Variants in RBFOX1 observed in about 807,000 individuals in gnomAD.
RBFOX1 encodes RNA binding fox-1 homolog 1.
A neutral mutation model predicts 57.7 loss-of-function variants in RBFOX1; 8 were observed. The observed-to-expected ratio is 0.14, with a 90% CI of 0.08 to 0.25. The LOEUF is 0.25. Among genes scored for constraint, RBFOX1 ranks in the 10% least tolerant of loss-of-function variants. The pLI is 1.00. For missense variants in RBFOX1, 611 were observed against 548.5 expected, an observed-to-expected ratio of 1.11 and a Z score of -1.14; for synonymous variants, 326 against 222.4, an observed-to-expected ratio of 1.47 and a Z score of -4.15.
At chr16:6,725,578 T>C (rs1288492718) in intron 3 of RBFOX1, among the ~76,000 whole-genome samples, 2 of 152,174 alleles carry the variant, frequency 1.3e-5, no homozygotes, top group African/African-American at 4.8e-5. Flanking sequence ...AATCAAGAGA[T>C]AATCATAAAA....
chr16:5,941,883 C>T (rs1011934192), intron 4 of RBFOX1, among the ~76,000 whole-genome samples: 2 of 151,948 alleles, frequency 1.3e-5, no homozygotes, highest in Non-Finnish European at 1.5e-5. Context: ...CGGCCTGAGT[C>T]TGCTTCAGAA....
chr16:5,921,377 A>G (rs954980764), intron 4 of RBFOX1, among the ~76,000 whole-genome samples: 1 of 152,174 alleles, frequency 6.6e-6, no homozygotes, highest in African/African-American at 2.4e-5. Flanking sequence ...TTAAGATGCA[A>G]GGTGGAATCT....
chr16:7,341,778 C>CCTTCCTTT (rs1568306596), intron 4 of RBFOX1, among the ~76,000 whole-genome samples: 1 of 58,394 alleles, frequency 1.7e-5, no homozygotes, highest in African/African-American at 9.4e-5. Context: ...CTCCCTCCCT[C>CCTTCCTTT]CTTCCTTCCT....
intron 5 of RBFOX1, among the ~76,000 whole-genome samples, chr16:7,552,921 G>T (rs1161472536): frequency 6.6e-6 from 1 of 152,046 alleles, no homozygotes; most frequent in Non-Finnish European, 1.5e-5. Context: ...GACCTCAGGT[G>T]ATCTGCCCGC....
chr16:7,056,415 G>C (rs997799375), intron 4 of RBFOX1, among the ~76,000 whole-genome samples: 4 of 152,108 alleles, frequency 2.6e-5, no homozygotes, highest in African/African-American at 7.2e-5. Flanking sequence ...GCTCACTATG[G>C]AATCTGTGCA....
At chr16:5,403,331 C>G (rs1308796456) in intron 1 of RBFOX1, among the ~76,000 whole-genome samples, 1 of 126,792 alleles carries the variant, frequency 7.9e-6, no homozygotes. Context: ...GTCTGGGAAA[C>G]AGACTGAAAC....
At chr16:6,125,354 G>T (rs2096581930) in intron 1 of RBFOX1, among the ~76,000 whole-genome samples, 1 of 152,204 alleles carries the variant, frequency 6.6e-6, no homozygotes, top group African/African-American at 2.4e-5. Flanking sequence ...CCCCTGTTGA[G>T]ATAGGAAAAG....
chr16:6,497,102 G>A (rs1214882909), intron 2 of RBFOX1, among the ~76,000 whole-genome samples: 1 of 152,186 alleles, frequency 6.6e-6, no homozygotes, highest in Non-Finnish European at 1.5e-5. Flanking sequence ...TTACAGATGA[G>A]GGAGCAATTT....
chr16:5,771,798 T>C (rs1300573183), intron 3 of RBFOX1, among the ~76,000 whole-genome samples: 1 of 152,228 alleles, frequency 6.6e-6, no homozygotes, highest in African/African-American at 2.4e-5. Flanking sequence ...AGTGTTTGTG[T>C]GTGTGCATGT....
At chr16:7,072,287 C>T (rs528497308) in intron 4 of RBFOX1, among the ~76,000 whole-genome samples, 1 of 152,186 alleles carries the variant, frequency 6.6e-6, no homozygotes, top group Non-Finnish European at 1.5e-5. Context: ...TAATGCTACT[C>T]TTATTCTTCA....
intron 4 of RBFOX1, among the ~76,000 whole-genome samples, chr16:7,354,639 T>C (rs1290644527): frequency 1.3e-5 from 2 of 152,190 alleles, no homozygotes; most frequent in Admixed American, 1.3e-4. Context: ...TTGTTAGCTG[T>C]GTTTATGAGG....
intron 2 of RBFOX1, among the ~76,000 whole-genome samples, chr16:6,454,791 C>G (rs1263215840): frequency 6.6e-6 from 1 of 151,768 alleles, no homozygotes; most frequent in Non-Finnish European, 1.5e-5. Flanking sequence ...CCTCCCTCCC[C>G]TTGCTTCTTC....
intron 3 of RBFOX1, among the ~76,000 whole-genome samples, chr16:6,675,542 A>G (rs932354674): frequency 3.3e-5 from 5 of 152,162 alleles, no homozygotes; most frequent in Admixed American, 6.5e-5. Flanking sequence ...CACAGTAGGC[A>G]TGGTGTGTTA....
intron 13 of RBFOX1, among the ~76,000 whole-genome samples, chr16:7,666,537 G>T (rs182010881): frequency 3.1e-4 from 47 of 152,158 alleles, no homozygotes; most frequent in Admixed American, 3.3e-4. Context: ...ATATCAAATT[G>T]GTGTCTTCTT....
intron 5 of RBFOX1, among the ~76,000 whole-genome samples, chr16:7,542,925 C>T (rs889835125): frequency 2.6e-5 from 4 of 151,978 alleles, no homozygotes; most frequent in African/African-American, 4.8e-5. Flanking sequence ...CCACCACCAC[C>T]CCACACATAC....
At chr16:5,403,966 A>G (rs549915956) in intron 1 of RBFOX1, among the ~76,000 whole-genome samples, 1 of 151,368 alleles carries the variant, frequency 6.6e-6, no homozygotes, top group East Asian at 2.0e-4. Context: ...TGCAATGACA[A>G]GAAGGACTTG....
chr16:5,749,794 CT>C (rs2053124678), intron 3 of RBFOX1, among the ~76,000 whole-genome samples: 1 of 152,130 alleles, frequency 6.6e-6, no homozygotes, highest in Non-Finnish European at 1.5e-5. Flanking sequence ...TTTTTAGCTT[CT>C]TTGCGATGGG....
intron 1 of RBFOX1, among the ~76,000 whole-genome samples, chr16:5,313,063 C>A (rs1015387023): frequency 2.0e-5 from 3 of 152,060 alleles, no homozygotes; most frequent in African/African-American, 7.2e-5. Flanking sequence ...CATGTGCTGT[C>A]CTGGGCGCTT....
chr16:7,180,264 T>C (rs2082440061), intron 4 of RBFOX1, among the ~76,000 whole-genome samples: 1 of 152,320 alleles, frequency 6.6e-6, no homozygotes. Flanking sequence ...ATTAACTCTT[T>C]ATGTCCTTAT....
Sources: allele counts gnomAD v4.1 joint callset (sites outside exome capture counted in the v4.1 genomes callset), GRCh38; gene constraint gnomAD v4.1.1; transcripts MANE v1.5; gene names NCBI Gene and HGNC (gene_info 2026-07-23, HGNC 2026-07-21).